Variants in USP22 observed in about 807,000 individuals in gnomAD.
USP22 encodes the protein ubiquitin carboxyl-terminal hydrolase 22.
A neutral mutation model predicts 68.1 loss-of-function variants in USP22; 22 were observed. The ratio of observed to expected loss-of-function variants is 0.32; its 90% CI spans 0.23 to 0.46. The LOEUF is 0.46. USP22 is among the 20% of genes least tolerant of loss of function. The probability of loss-of-function intolerance (pLI) is 1.00; values close to 1 mark genes in which losing one functional copy is unlikely to be tolerated. For synonymous variants in USP22, 279 were observed against 274.2 expected (o/e 1.02, Z -0.17); for missense variants, 433 against 695.8 (o/e 0.62, Z 4.25).
chr17:21,038,157 G>A (rs1972380215), intron 1 of USP22, among the ~76,000 whole-genome samples: 1 of 152,176 alleles, frequency 6.6e-6, no homozygotes, highest in Non-Finnish European at 1.5e-5. Context: ...CCAGCACTGT[G>A]GGAGGCCGAA....
rs975290727 is a variant in USP22, at chr17:20,999,914, G to A, written c.*3117C>T. On this transcript the variant is annotated 3_prime_UTR_variant, in exon 13 of 13. Coordinates refer to ENST00000261497, the MANE Select transcript of USP22 (RefSeq NM_015276.2). ...TGGCGCTGGAGGGAATGCCCAGGGA[G>A]GCTGCAGTGCTCACCACGAAGCCCA... The A allele has an allele frequency of 6.6e-6, 1 of 152,286 alleles. No homozygotes were observed. Among genetic ancestry groups the A allele is most frequent in the Non-Finnish European group, 1.5e-5 (1 of 68,108 alleles). 9.4% of individuals were successfully genotyped at this position (152,286 alleles called of 1,614,324 possible).
At position 21,008,050 on chromosome 17, in the gene USP22, A is replaced by T. The variant is rs868503625; in HGVS notation, c.1104-54T>A. 4 of 1,583,238 alleles carry T rather than the reference A, an allele frequency of 2.5e-6. No homozygotes were observed. The African/African-American group carries it at 4.1e-5, about 16-fold the overall frequency. On this transcript the variant is annotated intron_variant, in intron 8 of 12. Transcript: ENST00000261497. ...GTAAGGGAGATGCAAGAGACAGAAA[A>T]ATGAGAGGAAAGAGGTATTTTATCT...
At chr17:21,038,231 AT>A (rs569526990) in intron 1 of USP22, among the ~76,000 whole-genome samples, 2 of 150,012 alleles carry the variant, frequency 1.3e-5, no homozygotes, top group African/African-American at 2.5e-5. Context: ...TCAGTCTTTT[AT>A]TTTTTTTTAA....
intron 2 of USP22, among the ~76,000 whole-genome samples, chr17:21,024,817 A>C (rs1972200740): frequency 6.6e-6 from 1 of 152,206 alleles, no homozygotes; most frequent in Non-Finnish European, 1.5e-5. Context: ...AAGTACAAAA[A>C]ATCAGCCAAG....
Position 21,003,030 on chromosome 17 carries a change from G to A in USP22, c.*1C>T. The A allele has an allele frequency of 1.2e-6, 2 of 1,613,818 alleles. No homozygotes were observed. Among genetic ancestry groups the A allele is most frequent in the Non-Finnish European group, 1.7e-6 (2 of 1,179,906 alleles). ...GTTTTTCTGACCAGCTGCAGATAAG[G>A]CTACTCGTATTCCAGGAACTGTTTG... On this transcript the variant is annotated 3_prime_UTR_variant, in exon 13 of 13. Coordinates refer to ENST00000261497, the MANE Select transcript of USP22 (RefSeq NM_015276.2).
chr17:21,028,588 T>A lies in USP22; in HGVS notation c.258A>T (p.Thr86=), dbSNP rs1190126903. ...TCGCATGCTCGTGAATATGCTTCTT[T>A]GTGAAACAGCCGAAGAAGACACAGT... ...CLYCVFFGCF[T]KKHIHEHAKA... The change falls in exon 2 of 13, where the codon ACA becomes ACT. Residue 86 remains threonine, a synonymous_variant. Transcript: ENST00000261497. 4 of 1,613,908 alleles carry A rather than the reference T, an allele frequency of 2.5e-6. No homozygotes were observed. The highest frequency in any genetic ancestry group is 3.3e-5 in the Admixed American group (2 of 59,976).
At chr17:21,017,069 A>C (rs1972092085) in intron 5 of USP22, among the ~76,000 whole-genome samples, 2 of 152,188 alleles carry the variant, frequency 1.3e-5, no homozygotes. Context: ...ACTTTGAGGA[A>C]ATCGGTTAGG....
At chr17:21,018,133 G>A (rs1270525838) in intron 4 of USP22, 22 bp from the exon 5 acceptor site, 1 of 1,555,308 alleles carries the variant, frequency 6.4e-7, no homozygotes, top group Non-Finnish European at 8.7e-7. Flanking sequence ...TCACCAGAGA[G>A]CAGGAGTTAC....
chr17:21,033,186 A>C (rs1972314070), intron 1 of USP22, among the ~76,000 whole-genome samples: 1 of 152,136 alleles, frequency 6.6e-6, no homozygotes, highest in African/African-American at 2.4e-5. Flanking sequence ...GTTTTCCTAG[A>C]AATTCAACCT....
At chr17:21,028,230 G>C (rs1361623324) in intron 2 of USP22, among the ~76,000 whole-genome samples, 1 of 152,122 alleles carries the variant, frequency 6.6e-6, no homozygotes, top group East Asian at 1.9e-4. Flanking sequence ...GTTTGCCTAA[G>C]GTGATTCCTA....
rs1317861856 is a variant in USP22, at chr17:21,000,627, A to G, written c.*2404T>C. 1 of 152,058 alleles carries G rather than the reference A, an allele frequency of 6.6e-6. No homozygotes were observed. The highest frequency in any genetic ancestry group is 1.5e-5 in the Non-Finnish European group (1 of 68,020). 9.4% of individuals were successfully genotyped at this position (152,058 alleles called of 1,614,324 possible). On this transcript the variant is annotated 3_prime_UTR_variant, in exon 13 of 13. Transcript: ENST00000261497. Reference sequence around the variant, plus strand: ...TGGCCAAACCCAGGCAGCTGCCAGAAAGCCTTCTGCACTCCGCAAGACACC... The same window carrying G: ...TGGCCAAACCCAGGCAGCTGCCAGAGAGCCTTCTGCACTCCGCAAGACACC...
intron 3 of USP22, among the ~76,000 whole-genome samples, chr17:21,020,376 G>A (rs1343950415): frequency 2.6e-5 from 4 of 152,078 alleles, no homozygotes; most frequent in African/African-American, 9.7e-5. Flanking sequence ...GTGGCCACAC[G>A]GTGGCGACGG....
rs1913491111 is a variant in USP22, at chr17:20,999,664, A to C, written c.*3367T>G. On this transcript the variant is annotated 3_prime_UTR_variant, in exon 13 of 13. Transcript: ENST00000261497. ...AGCACTGGGGGGGAGGAGGAGTGAC[A>C]CAGCTCCTCAAAATGGAAGGGGAAA... 6.6e-6 allele frequency: 1 copy of C among 152,232 alleles called. No individual in the cohort carries two copies. The highest frequency in any genetic ancestry group is 1.5e-5 in the Non-Finnish European group (1 of 68,060). The allele number at this position is 152,232 out of a possible 1,614,324, so 9.4% of individuals were successfully genotyped here. A position where few individuals can be genotyped will look rare whatever the true frequency, so the allele number is the denominator to read the frequency against.
chr17:21,007,204 G>A (rs1415132602), intron 9 of USP22, among the ~76,000 whole-genome samples: 1 of 152,214 alleles, frequency 6.6e-6, no homozygotes, highest in Non-Finnish European at 1.5e-5. Flanking sequence ...TGATGGGACT[G>A]TTCAGTGGTA....
At chr17:21,036,690 A>G (rs1385599768) in intron 1 of USP22, among the ~76,000 whole-genome samples, 2 of 152,202 alleles carry the variant, frequency 1.3e-5, no homozygotes, top group African/African-American at 4.8e-5. Context: ...AGGCTAGAAT[A>G]ATCCCTATAG....
intron 6 of USP22, among the ~76,000 whole-genome samples, chr17:21,014,475 G>A (rs1222833896): frequency 6.6e-6 from 1 of 152,100 alleles, no homozygotes; most frequent in African/African-American, 2.4e-5. Flanking sequence ...ACTTTCCTTT[G>A]ATTTCTAGGT....
In USP22 at chr17:21,027,292, C is replaced by CAAAAAAAAAAAAA. The variant is rs71357459; in HGVS notation, c.304+1237_304+1249dup. On this transcript the variant is annotated intron_variant, in intron 2 of 12. Coordinates refer to ENST00000261497, the MANE Select transcript of USP22 (RefSeq NM_015276.2). Reference sequence around the variant, plus strand: ...TCCAGACAAAGCGAGACCCTGTCTCCAAAAAAAAAAAAAAAAAATCAGACA... The same window carrying CAAAAAAAAAAAAA: ...TCCAGACAAAGCGAGACCCTGTCTCCAAAAAAAAAAAAAAAAAAAAAAAAAAAAAAATCAGACA... Among the ~76,000 whole-genome samples, 260 of 72,238 alleles carry CAAAAAAAAAAAAA rather than the reference C, an allele frequency of 3.6e-3. 9 individuals are homozygous for CAAAAAAAAAAAAA. Among genetic ancestry groups the CAAAAAAAAAAAAA allele is most frequent in the African/African-American group, 0.012 (244 of 19,992 alleles). The allele number at this position is 72,238 out of a possible 152,430, so 47.4% of individuals were successfully genotyped here.
At chr17:21,031,144 C>T (rs1972285423) in intron 1 of USP22, among the ~76,000 whole-genome samples, 1 of 152,162 alleles carries the variant, frequency 6.6e-6, no homozygotes, top group Non-Finnish European at 1.5e-5. Flanking sequence ...TAGAAGACAA[C>T]TATTAAATTG....
At position 21,026,672 on chromosome 17, in the gene USP22, A is replaced by C. The variant is rs541222048; in HGVS notation, c.304+1870T>G. Among the ~76,000 whole-genome samples the C allele has an allele frequency of 2.0e-3, 311 of 151,774 alleles. 2 individuals are homozygous for C. Among genetic ancestry groups the C allele is most frequent in the African/African-American group, 6.8e-3 (284 of 41,464 alleles). On this transcript the variant is annotated intron_variant, in intron 2 of 12. Transcript: ENST00000261497. ...AAAATTAGTAGGAAAAAAAAAAATC[A>C]GACACACTGTGTCCAGGCATGGTGG...
Sources: allele counts gnomAD v4.1 joint callset (sites outside exome capture counted in the v4.1 genomes callset), GRCh38; gene constraint gnomAD v4.1.1; transcripts MANE v1.5; gene names NCBI Gene and HGNC (gene_info 2026-07-23, HGNC 2026-07-21).